CLEC12A: variants seen among roughly 807,000 people sequenced by gnomAD.
CLEC12A encodes C-type lectin protein CLL-1.
CLEC12A carries 22 observed loss-of-function variants against 26.5 expected under a neutral mutation model. The observed-to-expected ratio is 0.83, with a 90% CI of 0.59 to 1.19. The LOEUF is 1.19. Ranked by LOEUF, CLEC12A falls within the 50% of genes most tolerant of loss-of-function variation. CLEC12A has a pLI of 0.00. For synonymous variants in CLEC12A, 119 were observed against 101.9 expected, an observed-to-expected ratio of 1.17 and a Z score of -1.01; for missense variants, 353 against 315.6, an observed-to-expected ratio of 1.12 and a Z score of -0.90.
chr12:9,962,836 G>T (rs1863860204), intron 1 of CLEC12A, among the ~76,000 whole-genome samples: 1 of 152,194 alleles, frequency 6.6e-6, no homozygotes, highest in African/African-American at 2.4e-5. Flanking sequence ...GGGCTCAGAG[G>T]CCTGACATTC....
Position 9,978,951 on chromosome 12 carries a change from T to A in CLEC12A, c.92-15T>A, listed in dbSNP as rs1864444211. On this transcript the variant is annotated splice_polypyrimidine_tract_variant and intron_variant, in intron 1 of 5. Transcript: ENST00000304361. ...TACCATTTTTAGGCCTCTCTGTTAA[T>A]TTTGCTTTCCACAGCACCTCCAGCT... The A allele has an allele frequency of 6.2e-7, 1 of 1,600,950 alleles. No homozygotes were observed. The highest frequency in any genetic ancestry group is 1.3e-5 in the African/African-American group (1 of 74,622).
chr12:9,982,084 C>A lies in CLEC12A; in HGVS notation c.596C>A (p.Ser199Tyr). ...CTGGGATTATCTCCTGAAGAAGATT[C>A]CACTCGTGGTATGAGAGTGGATAAT... Reference protein sequence around the residue: ...YWLGLSPEEDSTRGMRVDNII... With the variant: ...YWLGLSPEEDYTRGMRVDNII... The change falls in exon 5 of 6, where the codon TCC becomes TAC. Residue 199 changes from serine (S) to tyrosine (Y), a missense_variant. Ser to Tyr is a moderately radical substitution (Grantham distance 144, BLOSUM62 -2). Transcript: ENST00000304361. 1.2e-6 allele frequency: 2 copies of A among 1,601,054 alleles called. No homozygotes were observed. The highest frequency in any genetic ancestry group is 1.7e-6 in the Non-Finnish European group (2 of 1,169,070).
chr12:9,973,370 C>T lies in CLEC12A; in HGVS notation c.91+1683C>T, dbSNP rs116918710. The stretch of plus-strand genomic sequence containing the variant: ...TTGGGAGGCTGAGGAAAGAGGATTA[C>T]TTGAGTCCAGGAGTTGGAGGCTCTA... On this transcript the variant is annotated intron_variant, in intron 1 of 5. Transcript: ENST00000304361. Among the ~76,000 whole-genome samples, 352 of 152,210 alleles carry T rather than the reference C, an allele frequency of 2.3e-3. 10 individuals carry two copies. In the East Asian group the frequency reaches 0.059, roughly 25 times the overall value.
chr12:9,970,221 TTTTTC>T (rs1158760540), upstream of CLEC12A, among the ~76,000 whole-genome samples: 1 of 152,108 alleles, frequency 6.6e-6, no homozygotes, highest in African/African-American at 2.4e-5. Context: ...TTTTTCTATT[TTTTTC>T]TTTTCTTCAA....
At chr12:9,968,702 C>CA (rs1348529868), upstream of CLEC12A, among the ~76,000 whole-genome samples, 1 of 151,994 alleles carries the variant, frequency 6.6e-6, no homozygotes, top group Non-Finnish European at 1.5e-5. Context: ...TAACAACCCA[C>CA]AAAAAATATA....
downstream of CLEC12A, among the ~76,000 whole-genome samples, chr12:9,989,905 G>C (rs1250340748): frequency 3.3e-5 from 5 of 152,056 alleles, no homozygotes; most frequent in Admixed American, 6.6e-5. Context: ...ACGTCCTAGG[G>C]ACCTTAATAA....
chr12:9,952,331 A>G (rs868388290), intron 1 of CLEC12A, among the ~76,000 whole-genome samples: 5 of 150,392 alleles, frequency 3.3e-5, no homozygotes, highest in Non-Finnish European at 7.4e-5. Context: ...GATTGCAGGC[A>G]CGCACCACCA....
intron 4 of CLEC12A, 46 bp downstream of exon 4, chr12:9,980,779 G>A: frequency 6.3e-7 from 1 of 1,590,762 alleles, no homozygotes; most frequent in Non-Finnish European, 8.6e-7. Flanking sequence ...GAGGGGTGTG[G>A]CATGTTGGAG....
At chr12:9,979,725 G>A (rs906299646) in intron 3 of CLEC12A, among the ~76,000 whole-genome samples, 1 of 152,040 alleles carries the variant, frequency 6.6e-6, no homozygotes, top group South Asian at 2.1e-4. Context: ...ACAACAATAG[G>A]CCCCCAAATT....
At chr12:9,987,730 A>T (rs1385124815), downstream of CLEC12A, among the ~76,000 whole-genome samples, 2 of 151,582 alleles carry the variant, frequency 1.3e-5, no homozygotes, top group Admixed American at 1.3e-4. Flanking sequence ...AATTCTGTTA[A>T]CCTGTATGTT....
At chr12:9,960,515 A>G (rs927356791) in intron 1 of CLEC12A, among the ~76,000 whole-genome samples, 1 of 152,186 alleles carries the variant, frequency 6.6e-6, no homozygotes, top group Admixed American at 6.5e-5. Flanking sequence ...TAGTGCTCCA[A>G]TGACTACTTC....
At chr12:9,989,634 C>G (rs1388135290), downstream of CLEC12A, among the ~76,000 whole-genome samples, 1 of 152,134 alleles carries the variant, frequency 6.6e-6, no homozygotes, top group African/African-American at 2.4e-5. Context: ...AGCCTTCTCT[C>G]TAACATAAAA....
chr12:9,976,271 ACACT>A (rs1229200409), intron 1 of CLEC12A, among the ~76,000 whole-genome samples: 1 of 152,212 alleles, frequency 6.6e-6, no homozygotes, highest in Non-Finnish European at 1.5e-5. Flanking sequence ...AAAGCTGCAG[ACACT>A]CAATATCAGC....
downstream of CLEC12A, chr12:9,996,730 G>C (rs776037482): frequency 2.9e-6 from 3 of 1,023,486 alleles, no homozygotes; most frequent in Admixed American, 5.1e-5. Flanking sequence ...AAGGGTCTTA[G>C]ATTAGTACAA....
chr12:9,957,199 A>G (rs370760551), intron 1 of CLEC12A, among the ~76,000 whole-genome samples: 9 of 152,274 alleles, frequency 5.9e-5, no homozygotes, highest in African/African-American at 2.2e-4. Context: ...GAAATTTTAA[A>G]AAGGTGTGGG....
chr12:9,980,478 G>T, intron 3 of CLEC12A, 104 bp from the exon 4 acceptor site: 4 of 1,120,498 alleles, frequency 3.6e-6, no homozygotes, highest in Non-Finnish European at 5.0e-6. Context: ...AAAGAAAGAA[G>T]AATAAACAGC....
At position 9,985,533 on chromosome 12, in the gene CLEC12A, C is replaced by G. The variant is rs1335755532; in HGVS notation, c.*507C>G. On this transcript the variant is annotated 3_prime_UTR_variant, in exon 6 of 6. Coordinates refer to ENST00000304361, the MANE Select transcript of CLEC12A (RefSeq NM_138337.6). ...CCAGGTAAGAATGGATATGGACATGCATTTATTACCTCTTAAAATTATTAT... is the reference window on the plus strand; with the variant it reads ...CCAGGTAAGAATGGATATGGACATGGATTTATTACCTCTTAAAATTATTAT... 2.0e-5 allele frequency: 8 copies of G among 398,338 alleles called. No homozygotes were observed. Among genetic ancestry groups the G allele is most frequent in the African/African-American group, 4.1e-5 (2 of 48,570 alleles). The allele number at this position is 398,338 out of a possible 1,614,324, so 24.7% of individuals were successfully genotyped here. A position where few individuals can be genotyped will look rare whatever the true frequency, so the allele number is the denominator to read the frequency against.
In CLEC12A at chr12:9,957,041, A is replaced by G. The variant is rs535369703; in HGVS notation, c.10+5685A>G. On this transcript the variant is annotated intron_variant, in intron 1 of 6. Coordinates refer to the CLEC12A transcript ENST00000355690. ...TTGTTATCGATATAAACCAAAATGTATCTGAGGTAGGTCTCAATTAATTTC... is the reference window on the plus strand; with the variant it reads ...TTGTTATCGATATAAACCAAAATGTGTCTGAGGTAGGTCTCAATTAATTTC... 1.1e-3 allele frequency among the ~76,000 whole-genome samples: 168 copies of G among 152,356 alleles called. 5 individuals carry two copies. The South Asian group carries it at 0.034, about 31-fold the overall frequency.
intron 3 of CLEC12A, among the ~76,000 whole-genome samples, chr12:9,979,752 T>A (rs1341266919): frequency 6.6e-6 from 1 of 152,180 alleles, no homozygotes; most frequent in African/African-American, 2.4e-5. Flanking sequence ...AGATAATGGT[T>A]ACATAATAAA....
Sources: allele counts gnomAD v4.1 joint callset (sites outside exome capture counted in the v4.1 genomes callset), GRCh38; gene constraint gnomAD v4.1.1; transcripts MANE v1.5; gene names NCBI Gene and HGNC (gene_info 2026-07-23, HGNC 2026-07-21).